The following FMN1 variants were observed in gnomAD, a reference collection of about 807,000 sequenced individuals.
FMN1 encodes formin 1, also known as formin-1.
FMN1 carries 110 observed loss-of-function variants against 132.4 expected under a neutral mutation model. The observed-to-expected ratio is 0.83, with a 90% CI of 0.71 to 0.97. The LOEUF is 0.97. FMN1 is among the 50% of genes least tolerant of loss of function. FMN1 has a pLI of 0.00. For missense variants in FMN1, 1,792 were observed against 1,705.3 expected (o/e 1.05, Z -0.90); for synonymous variants, 722 against 651.7 (o/e 1.11, Z -1.64).
chr15:33,190,702 A>T (rs1291720673), intron 2 of FMN1, among the ~76,000 whole-genome samples: 3 of 152,142 alleles, frequency 2.0e-5, no homozygotes, highest in Non-Finnish European at 4.4e-5. Flanking sequence ...GAACTAGAGC[A>T]CTCATACTGG....
chr15:32,875,306 T>G (rs893683839), intron 16 of FMN1, among the ~76,000 whole-genome samples: 5 of 151,846 alleles, frequency 3.3e-5, no homozygotes, highest in African/African-American at 1.2e-4. Context: ...CCTTATAATA[T>G]GCCACCTCCT....
intron 3 of FMN1, among the ~76,000 whole-genome samples, chr15:33,172,495 G>A (rs140034341): frequency 5.8e-4 from 89 of 152,332 alleles, no homozygotes; most frequent in African/African-American, 2.0e-3. Context: ...ACAGCCATCT[G>A]CACAGGGAGG....
In FMN1 at chr15:32,888,911, T is replaced by G. The variant is rs971420885; in HGVS notation, c.3715-619A>C. Among the ~76,000 whole-genome samples, 3 of 150,680 alleles carry G rather than the reference T, an allele frequency of 2.0e-5. No individual in the cohort carries two copies. In the East Asian group the frequency reaches 5.9e-4, roughly 29 times the overall value. ...CCTTGCTTTGTCACCCAGGCTTGAG[T>G]GCACTGACACAATCACGGTTCACTG... On this transcript the variant is annotated intron_variant, in intron 15 of 20. Transcript: ENST00000616417.
chr15:32,909,639 G>A (rs1385311595), intron 11 of FMN1, among the ~76,000 whole-genome samples: 1 of 152,112 alleles, frequency 6.6e-6, no homozygotes, highest in Non-Finnish European at 1.5e-5. Context: ...ACAGCTTCCT[G>A]GGAAATACCA....
At chr15:33,166,454 C>T (rs1276100674) in intron 3 of FMN1, among the ~76,000 whole-genome samples, 1 of 151,788 alleles carries the variant, frequency 6.6e-6, no homozygotes, top group African/African-American at 2.4e-5. Flanking sequence ...CAATATAGTA[C>T]TATATGCAGT....
intron 17 of FMN1, among the ~76,000 whole-genome samples, chr15:32,821,449 CTTT>C (rs34336647): frequency 9.0e-6 from 1 of 110,830 alleles, no homozygotes. Context: ...ATATTTAAAT[CTTT>C]TTTTTTTTTT....
intron 17 of FMN1, among the ~76,000 whole-genome samples, chr15:32,853,550 T>C (rs2059057357): frequency 6.6e-6 from 1 of 152,238 alleles, no homozygotes; most frequent in East Asian, 1.9e-4. Flanking sequence ...TGGAAAATCC[T>C]ACATTTTCTA....
At chr15:33,123,692 G>A (rs545930928) in intron 4 of FMN1, among the ~76,000 whole-genome samples, 3 of 152,132 alleles carry the variant, frequency 2.0e-5, no homozygotes, top group East Asian at 1.9e-4. Flanking sequence ...AGACATGAAC[G>A]TCCCTTCCAT....
chr15:32,936,972 C>A (rs947524458), intron 9 of FMN1, among the ~76,000 whole-genome samples: 2 of 152,094 alleles, frequency 1.3e-5, no homozygotes, highest in South Asian at 2.1e-4. Flanking sequence ...ATGCTGTGTC[C>A]CATCAGCACT....
At chr15:33,085,048 G>C (rs1373724293) in intron 5 of FMN1, among the ~76,000 whole-genome samples, 1 of 152,210 alleles carries the variant, frequency 6.6e-6, no homozygotes, top group Non-Finnish European at 1.5e-5. Context: ...AAGCCCACCA[G>C]AGGAAAGGGG....
chr15:32,881,381 A>C (rs1246019153), intron 16 of FMN1, among the ~76,000 whole-genome samples: 3 of 152,144 alleles, frequency 2.0e-5, no homozygotes, highest in Non-Finnish European at 1.5e-5. Context: ...TCATGTATAC[A>C]TCTGTTTTTG....
At chr15:33,020,510 G>T (rs1230682777) in intron 6 of FMN1, among the ~76,000 whole-genome samples, 2 of 152,110 alleles carry the variant, frequency 1.3e-5, no homozygotes, top group African/African-American at 4.8e-5. Flanking sequence ...AGCCGGGCGT[G>T]GTGGCAGGTG....
intron 10 of FMN1, among the ~76,000 whole-genome samples, chr15:32,916,470 G>A (rs527907386): frequency 1.3e-5 from 2 of 152,302 alleles, no homozygotes; most frequent in East Asian, 3.9e-4. Context: ...GGACACGGTG[G>A]TGAGAAAGGC....
chr15:32,930,227 T>G (rs2061076247), intron 9 of FMN1, among the ~76,000 whole-genome samples: 1 of 152,076 alleles, frequency 6.6e-6, no homozygotes, highest in South Asian at 2.1e-4. Context: ...GACCTCATGA[T>G]CTGCTCGCCT....
intron 9 of FMN1, among the ~76,000 whole-genome samples, chr15:32,956,921 G>A (rs997007241): frequency 1.3e-5 from 2 of 152,036 alleles, no homozygotes; most frequent in Admixed American, 1.3e-4. Context: ...ATAAAGTCTG[G>A]GATTTGAGAA....
chr15:33,038,066 T>C (rs1239252908), intron 6 of FMN1, among the ~76,000 whole-genome samples: 2 of 152,054 alleles, frequency 1.3e-5, no homozygotes, highest in Non-Finnish European at 2.9e-5. Flanking sequence ...CTACTAAAAA[T>C]ATTATACAAA....
chr15:32,862,251 T>A (rs1011823277), intron 16 of FMN1, among the ~76,000 whole-genome samples: 1 of 152,104 alleles, frequency 6.6e-6, no homozygotes, highest in African/African-American at 2.4e-5. Flanking sequence ...CATACGATAT[T>A]GCTAGACCAC....
At position 32,777,721 on chromosome 15, in the gene FMN1, G is replaced by A. The variant is rs931921171; in HGVS notation, c.4131-802C>T. Among the ~76,000 whole-genome samples, 6 of 136,000 alleles carry A rather than the reference G, an allele frequency of 4.4e-5. 1 individual carries two copies. The highest frequency in any genetic ancestry group is 4.4e-4 in the East Asian group (2 of 4,548). 89.2% of individuals were successfully genotyped at this position (136,000 alleles called of 152,430 possible). On this transcript the variant is annotated intron_variant, in intron 19 of 20. Transcript: ENST00000616417. ...TATAACACATTTACTTATATATTAC[G>A]TATAATATATAATACATTTACTTAT...
In FMN1 at chr15:32,971,930, G is replaced by A. The variant is rs113493610; in HGVS notation, c.2224-2453C>T. Among the ~76,000 whole-genome samples, 11 of 152,242 alleles carry A rather than the reference G, an allele frequency of 7.2e-5. 3 individuals carry two copies. Among genetic ancestry groups the A allele is most frequent in the African/African-American group, 2.4e-4 (10 of 41,542 alleles). ...CTTCTAAATCTGTTGAAGCTGACAT[G>A]TAAAGCTATATATCATTTTAGCAGC... is the stretch of plus-strand genomic sequence containing the variant. On this transcript the variant is annotated intron_variant, in intron 7 of 20. Coordinates refer to ENST00000616417, the MANE Select transcript of FMN1 (RefSeq NM_001277313.2).
Sources: allele counts gnomAD v4.1 joint callset (sites outside exome capture counted in the v4.1 genomes callset), GRCh38; gene constraint gnomAD v4.1.1; transcripts MANE v1.5; gene names NCBI Gene and HGNC (gene_info 2026-07-23, HGNC 2026-07-21).